CASD1: variants seen among roughly 807,000 people sequenced by gnomAD.
The protein encoded by CASD1 is CAS1 domain sialic acid O acetyltransferase 1, also known as N-acetylneuraminate (7)9-O-acetyltransferase.
In CASD1, 41 loss-of-function variants were observed where a neutral mutation model predicts 100.0. That is an observed-to-expected ratio of 0.41 (90% CI 0.32 to 0.53). The LOEUF is 0.53. Among genes scored for constraint, CASD1 ranks in the 20% least tolerant of loss-of-function variants. The pLI, the probability that CASD1 is intolerant of heterozygous loss-of-function variation, is 0.25. For synonymous variants in CASD1, 321 were observed against 315.6 expected, an observed-to-expected ratio of 1.02 and a Z score of -0.18; for missense variants, 774 against 948.7, an observed-to-expected ratio of 0.82 and a Z score of 2.42.
the CASD1 span, chr7:94,599,882 G>T: frequency 1.5e-6 from 1 of 657,774 alleles, no homozygotes; most frequent in South Asian, 1.7e-5. Context: ...ACATTGCTTG[G>T]ATGAGTACAC....
At chr7:94,597,378 T>A in the CASD1 span, 5 of 152,152 alleles carry the variant, frequency 3.3e-5, no homozygotes, top group East Asian at 9.6e-4. Context: ...GATAAACTTA[T>A]CTAGTCTATC....
At chr7:94,581,355 A>AT in the CASD1 span, among the ~76,000 whole-genome samples, 3 of 152,134 alleles carry the variant, frequency 2.0e-5, no homozygotes, top group Admixed American at 6.5e-5. Context: ...ATCAAATGAC[A>AT]TTTTTTTCAT....
chr7:94,510,403 TG>T (rs1214545275), intron 1 of CASD1, among the ~76,000 whole-genome samples, 186 bp downstream of exon 1: 2 of 152,110 alleles, frequency 1.3e-5, no homozygotes, highest in East Asian at 2.0e-4. Flanking sequence ...TGGACCCCAG[TG>T]GGGGCCACCA....
the CASD1 span, chr7:94,618,985 T>A: frequency 6.9e-7 from 1 of 1,446,624 alleles, no homozygotes; most frequent in South Asian, 1.1e-5. Flanking sequence ...GGCATGCATA[T>A]CTTTAATGAA....
At chr7:94,546,680 G>T (rs1385070941) in intron 12 of CASD1, among the ~76,000 whole-genome samples, 1 of 151,834 alleles carries the variant, frequency 6.6e-6, no homozygotes, top group African/African-American at 2.4e-5. Flanking sequence ...TCCATTAGGG[G>T]GTTTAAGCTT....
the CASD1 span, among the ~76,000 whole-genome samples, chr7:94,592,955 A>G: frequency 1.3e-5 from 2 of 152,128 alleles, no homozygotes; most frequent in African/African-American, 4.8e-5. Flanking sequence ...ATTTTTGGAA[A>G]ACAATGGCTC....
At chr7:94,511,863 T>C (rs1392764985) in intron 1 of CASD1, among the ~76,000 whole-genome samples, 1 of 152,192 alleles carries the variant, frequency 6.6e-6, no homozygotes. Flanking sequence ...GCAGGGAGAA[T>C]AGAATGTCAG....
chr7:94,621,525 A>G, the CASD1 span: 2 of 152,244 alleles, frequency 1.3e-5, no homozygotes, highest in African/African-American at 4.8e-5. Flanking sequence ...TGCCTTGAGT[A>G]ATCTGTATCT....
the CASD1 span, chr7:94,585,194 A>G: frequency 5.2e-4 from 169 of 322,868 alleles, 2 homozygotes; most frequent in African/African-American, 3.4e-3. Context: ...TAGGAAGCAA[A>G]TAGTTTACTG....
chr7:94,631,298 C>CTTT, the CASD1 span, among the ~76,000 whole-genome samples: 1 of 146,316 alleles, frequency 6.8e-6, no homozygotes, highest in African/African-American at 2.5e-5. Flanking sequence ...GAATTTTATA[C>CTTT]TTTTTTTTTT....
chr7:94,515,720 C>G (rs1793946856), intron 1 of CASD1, among the ~76,000 whole-genome samples: 1 of 151,730 alleles, frequency 6.6e-6, no homozygotes, highest in African/African-American at 2.4e-5. Flanking sequence ...AATAACAACA[C>G]CCCCCTCCCC....
At chr7:94,574,126 T>A in the CASD1 span, among the ~76,000 whole-genome samples, 3 of 152,214 alleles carry the variant, frequency 2.0e-5, no homozygotes, top group South Asian at 6.2e-4. Context: ...GGATTCAGTT[T>A]GCAAGTATTT....
At chr7:94,623,680 A>G in the CASD1 span, 1 of 442,110 alleles carries the variant, frequency 2.3e-6, no homozygotes, top group Non-Finnish European at 4.0e-6. Context: ...ATGCAGATGC[A>G]TCATTAGTAA....
the CASD1 span, among the ~76,000 whole-genome samples, chr7:94,563,341 G>A: frequency 6.6e-6 from 1 of 152,046 alleles, no homozygotes; most frequent in Non-Finnish European, 1.5e-5. Context: ...GTTAAGCTCT[G>A]GAAAACTCTT....
intron 3 of CASD1, among the ~76,000 whole-genome samples, chr7:94,521,949 A>G (rs181800883): frequency 6.6e-6 from 1 of 152,054 alleles, no homozygotes; most frequent in African/African-American, 2.4e-5. Context: ...GCTGGGCATG[A>G]TGGTGGGCAC....
chr7:94,515,100 A>T (rs1352432077), intron 1 of CASD1, among the ~76,000 whole-genome samples: 1 of 152,048 alleles, frequency 6.6e-6, no homozygotes, highest in African/African-American at 2.4e-5. Context: ...TTTTGCTGAC[A>T]TACAAAAAAG....
At position 94,510,214 on chromosome 7, in the gene CASD1, C is replaced by A; in HGVS notation, c.130C>A (p.Arg44=). 6.6e-7 allele frequency: 1 copy of A among 1,504,064 alleles called. No homozygotes were observed. Among genetic ancestry groups the A allele is most frequent in the Non-Finnish European group, 8.9e-7 (1 of 1,123,260 alleles). The allele number at this position is 1,504,064 out of a possible 1,614,324, so 93.2% of individuals were successfully genotyped here. The change falls in exon 1 of 18, where the codon CGA becomes AGA. Residue 44 remains arginine (R), a synonymous_variant. Transcript: ENST00000297273. ...GTGCCACCTCGCCTCCCGCCGCTAC[C>A]GAGGTGAGCGGGCCCTCCCCTCTGC... is the stretch of plus-strand genomic sequence containing the variant. ...AACHLASRRY[R]GNDSCEYLLS...
the CASD1 span, among the ~76,000 whole-genome samples, chr7:94,602,274 T>C: frequency 6.6e-6 from 1 of 152,206 alleles, no homozygotes; most frequent in African/African-American, 2.4e-5. Flanking sequence ...ATAATAATTT[T>C]ACTTGATTTA....
At chr7:94,572,775 T>A in the CASD1 span, among the ~76,000 whole-genome samples, 1 of 152,318 alleles carries the variant, frequency 6.6e-6, no homozygotes, top group African/African-American at 2.4e-5. Flanking sequence ...TTTTGATTGC[T>A]TCTGGTGTCT....
Sources: allele counts gnomAD v4.1 joint callset (sites outside exome capture counted in the v4.1 genomes callset), GRCh38; gene constraint gnomAD v4.1.1; transcripts MANE v1.5; gene names NCBI Gene and HGNC (gene_info 2026-07-23, HGNC 2026-07-21).